SHANK2: variants seen among roughly 807,000 people sequenced by gnomAD.
The protein encoded by SHANK2 is SH3 and multiple ankyrin repeat domains 2.
Under a neutral mutation model 133.7 loss-of-function variants are expected in SHANK2, and 43 were observed. The observed-to-expected ratio is 0.32, with a 90% CI of 0.25 to 0.41. SHANK2 has a LOEUF of 0.41. Ranked by LOEUF, SHANK2 falls within the 10% of genes least tolerant of loss-of-function variation. The pLI is 1.00. For synonymous variants in SHANK2, 1,017 were observed against 952.8 expected, an observed-to-expected ratio of 1.07 and a Z score of -1.24; for missense variants, 1,994 against 2,235.8, an observed-to-expected ratio of 0.89 and a Z score of 2.18.
chr11:71,246,028 C>T (rs1954956522), intron 1 of SHANK2, among the ~76,000 whole-genome samples: 1 of 152,118 alleles, frequency 6.6e-6, no homozygotes, highest in South Asian at 2.1e-4. Flanking sequence ...GAGCCCTATG[C>T]TCTCAGGGGT....
chr11:70,740,592 C>T (rs540287720), intron 14 of SHANK2, among the ~76,000 whole-genome samples: 2 of 152,178 alleles, frequency 1.3e-5, no homozygotes, highest in African/African-American at 4.8e-5. Context: ...GTTCCTCCCC[C>T]TCACCCCCTG....
intron 17 of SHANK2, among the ~76,000 whole-genome samples, chr11:70,581,819 C>A (rs1554985543): frequency 6.6e-6 from 1 of 152,234 alleles, no homozygotes; most frequent in Non-Finnish European, 1.5e-5. Flanking sequence ...TCACCCCAAG[C>A]CTCACTCTGC....
At chr11:71,183,907 CCACGT>C (rs1390167960) in intron 2 of SHANK2, among the ~76,000 whole-genome samples, 1 of 152,166 alleles carries the variant, frequency 6.6e-6, no homozygotes, top group African/African-American at 2.4e-5. Context: ...AGAGGTTGGA[CCACGT>C]CAACAAACTG....
intron 11 of SHANK2, among the ~76,000 whole-genome samples, chr11:70,865,690 TCGCACCG>T (rs564534327): frequency 2.2e-3 from 333 of 152,316 alleles, no homozygotes; most frequent in African/African-American, 7.8e-3. Flanking sequence ...GGACACTGCC[TCGCACCG>T]CCTTCTGATG....
chr11:71,171,032 G>T (rs985556563), intron 2 of SHANK2, among the ~76,000 whole-genome samples: 4 of 152,226 alleles, frequency 2.6e-5, no homozygotes, highest in Non-Finnish European at 4.4e-5. Flanking sequence ...CCCAGTGAGA[G>T]TTCTTCCTGG....
intron 14 of SHANK2, among the ~76,000 whole-genome samples, chr11:70,736,347 C>T (rs1434607486): frequency 5.3e-5 from 8 of 152,276 alleles, no homozygotes; most frequent in South Asian, 2.1e-4. Flanking sequence ...CCGAAACCCA[C>T]GAGTGTGACC....
intron 11 of SHANK2, chr11:70,863,358 C>G (rs1949292674): frequency 2.2e-6 from 1 of 457,932 alleles, no homozygotes; most frequent in South Asian, 1.5e-5. Flanking sequence ...CGAACACAGC[C>G]CGACCTCATC....
In SHANK2 at chr11:70,500,718, G is replaced by C; in HGVS notation, c.2288-128C>G. 1 of 1,288,556 alleles carries C rather than the reference G, an allele frequency of 7.8e-7. No homozygotes were observed. The highest frequency in any genetic ancestry group is 1.1e-6 in the Non-Finnish European group (1 of 906,786). The allele number at this position is 1,288,556 out of a possible 1,614,324, so 79.8% of individuals were successfully genotyped here. A position where few individuals can be genotyped will look rare whatever the true frequency, so the allele number is the denominator to read the frequency against. On this transcript the variant is annotated intron_variant, in intron 20 of 25. Coordinates refer to ENST00000601538, the MANE Select transcript of SHANK2 (RefSeq NM_012309.5). The surrounding 1 kb of genome is among the most constrained non-coding windows in gnomAD (Gnocchi z 4.5). ...GGCCGGCAATGGGGCGGCAGGCAGG[G>C]GCTGTCTGGAACGCTGCGAACGCAG...
At chr11:71,068,576 G>T (rs1366789481) in intron 9 of SHANK2, among the ~76,000 whole-genome samples, 2 of 152,244 alleles carry the variant, frequency 1.3e-5, no homozygotes, top group Admixed American at 6.5e-5. Context: ...GTCATGCTCT[G>T]TGAGGGCAGA....
chr11:71,155,975 G>A (rs1952900607), intron 2 of SHANK2, among the ~76,000 whole-genome samples: 1 of 152,186 alleles, frequency 6.6e-6, no homozygotes, highest in Non-Finnish European at 1.5e-5. Context: ...ATGCAAGGCT[G>A]GTGTCTTTTT....
intron 11 of SHANK2, chr11:70,863,475 G>C (rs111963565): frequency 2.2e-6 from 1 of 457,708 alleles, no homozygotes; most frequent in Non-Finnish European, 4.4e-6. Flanking sequence ...TGGAAGACAC[G>C]GATTCTGTGG....
chr11:71,245,050 G>A (rs966581003), intron 1 of SHANK2, among the ~76,000 whole-genome samples: 4 of 151,786 alleles, frequency 2.6e-5, no homozygotes, highest in South Asian at 4.2e-4. Flanking sequence ...GCGTGATCAC[G>A]GCTCACTGCA....
chr11:70,937,715 C>T (rs567218071), intron 10 of SHANK2, among the ~76,000 whole-genome samples: 11 of 151,036 alleles, frequency 7.3e-5, no homozygotes, highest in Admixed American at 1.3e-4. Flanking sequence ...GGCAATAGAA[C>T]ATTTTTTAAA....
chr11:71,197,136 A>G (rs561757764), intron 2 of SHANK2, among the ~76,000 whole-genome samples: 137 of 152,244 alleles, frequency 9.0e-4, no homozygotes, highest in Non-Finnish European at 1.2e-3. Flanking sequence ...CTGGGAGACC[A>G]TCTGTTGTCC....
At chr11:70,928,412 C>T (rs1555081981) in intron 10 of SHANK2, among the ~76,000 whole-genome samples, 1 of 152,100 alleles carries the variant, frequency 6.6e-6, no homozygotes, top group Non-Finnish European at 1.5e-5. Flanking sequence ...TCAAGGGCTG[C>T]CCAGGACAGT....
chr11:70,774,318 T>A (rs1555043451), intron 14 of SHANK2, among the ~76,000 whole-genome samples: 1 of 149,214 alleles, frequency 6.7e-6, no homozygotes, highest in Admixed American at 6.8e-5. Flanking sequence ...AATCGGGGAG[T>A]GACTTTTGTT....
At chr11:70,900,017 A>G (rs782275884) in intron 10 of SHANK2, among the ~76,000 whole-genome samples, 4 of 152,206 alleles carry the variant, frequency 2.6e-5, no homozygotes, top group Admixed American at 6.5e-5. Context: ...TCTCACAAGT[A>G]AAGGTTTAGA....
At chr11:70,653,780 C>T (rs1463796824) in intron 17 of SHANK2, among the ~76,000 whole-genome samples, 4 of 152,178 alleles carry the variant, frequency 2.6e-5, no homozygotes, top group Non-Finnish European at 5.9e-5. Context: ...TTAACAGGCA[C>T]ATGCCACCAT....
rs992258093 is a variant in SHANK2 at position 71,111,328 on chromosome 11, C to G, written c.484-1279G>C. 2.0e-5 allele frequency among the ~76,000 whole-genome samples: 3 copies of G among 152,202 alleles called. No homozygotes were observed. The East Asian group carries it at 5.8e-4, about 29-fold the overall frequency. On this transcript the variant is annotated intron_variant, in intron 5 of 25. Coordinates refer to ENST00000601538, the MANE Select transcript of SHANK2 (RefSeq NM_012309.5). The stretch of plus-strand genomic sequence containing the variant: ...CACTTTGTGGTGAACCCCATGGCCA[C>G]ACAGGCAGAAATAGCGATGCCTGGT...
Sources: allele counts gnomAD v4.1 joint callset (sites outside exome capture counted in the v4.1 genomes callset), GRCh38; gene constraint gnomAD v4.1.1; non-coding constraint Gnocchi (gnomAD v3.1); transcripts MANE v1.5; gene names NCBI Gene and HGNC (gene_info 2026-07-23, HGNC 2026-07-21).